Variants in PRXL2A observed in about 807,000 individuals in gnomAD.
PRXL2A encodes the protein peroxiredoxin-like 2A.
A neutral mutation model predicts 25.6 loss-of-function variants in PRXL2A; 26 were observed. That is an observed-to-expected ratio of 1.02 (90% confidence interval 0.74 to 1.41). The LOEUF (loss-of-function observed/expected upper bound fraction) is 1.41. PRXL2A is among the 40% of genes most tolerant of loss of function. PRXL2A has a pLI of 0.00. For synonymous variants in PRXL2A, 98 were observed against 102.9 expected, an observed-to-expected ratio of 0.95 and a Z score of 0.29; for missense variants, 246 against 273.9, an observed-to-expected ratio of 0.90 and a Z score of 0.72.
intron 1 of PRXL2A, among the ~76,000 whole-genome samples, chr10:80,416,597 G>C (rs932901750): frequency 5.9e-5 from 9 of 152,176 alleles, no homozygotes; most frequent in Non-Finnish European, 7.3e-5. Flanking sequence ...CCAGGCAGAG[G>C]GGTAGAGATG....
At chr10:80,427,056 T>C (rs1242876346) in intron 4 of PRXL2A, among the ~76,000 whole-genome samples, 1 of 151,230 alleles carries the variant, frequency 6.6e-6, no homozygotes, top group Non-Finnish European at 1.5e-5. Flanking sequence ...GGCCAGAGAA[T>C]TGCTTGAACC....
chr10:80,429,905 A>G (rs1244272382), intron 5 of PRXL2A, among the ~76,000 whole-genome samples: 4 of 151,970 alleles, frequency 2.6e-5, no homozygotes, highest in African/African-American at 7.3e-5. Flanking sequence ...TCTGGTGCTC[A>G]TGGGCCCTAC....
rs769892937 is a variant in PRXL2A, at chr10:80,432,124, G to A, written c.*25G>A. 3.6e-6 allele frequency: 5 copies of A among 1,378,210 alleles called. No homozygotes were observed. The highest frequency in any genetic ancestry group is 5.1e-6 in the Non-Finnish European group (5 of 975,864). The allele number at this position is 1,378,210 out of a possible 1,614,324, so 85.4% of individuals were successfully genotyped here. A position where few individuals can be genotyped will look rare whatever the true frequency, so the allele number is the denominator to read the frequency against. On this transcript the variant is annotated 3_prime_UTR_variant, in exon 6 of 6. Coordinates refer to ENST00000606162, the MANE Select transcript of PRXL2A (RefSeq NM_032333.5). ...ATTGTGTGAAACTGCCCAGCTCAGGGATAACCAGGGACATTCACCTGTGTT... is the reference window on the plus strand; with the variant it reads ...ATTGTGTGAAACTGCCCAGCTCAGGAATAACCAGGGACATTCACCTGTGTT...
intron 1 of PRXL2A, among the ~76,000 whole-genome samples, chr10:80,416,784 C>A (rs1488717581): frequency 6.6e-6 from 1 of 152,184 alleles, no homozygotes; most frequent in Non-Finnish European, 1.5e-5. Flanking sequence ...TATGAATTGC[C>A]TGCCAGTCTG....
At chr10:80,426,513 G>T (rs1341077563) in intron 4 of PRXL2A, among the ~76,000 whole-genome samples, 1 of 152,224 alleles carries the variant, frequency 6.6e-6, no homozygotes, top group African/African-American at 2.4e-5. Flanking sequence ...TGATGGGTTT[G>T]TAGGGACATA....
intron 3 of PRXL2A, among the ~76,000 whole-genome samples, chr10:80,422,729 T>G (rs1159770273): frequency 6.6e-6 from 1 of 151,966 alleles, no homozygotes; most frequent in East Asian, 1.9e-4. Flanking sequence ...TCAGTTTCCC[T>G]TAGTACTCCC....
chr10:80,428,161 A>G (rs1188601172), intron 5 of PRXL2A, among the ~76,000 whole-genome samples: 1 of 152,146 alleles, frequency 6.6e-6, no homozygotes, highest in Non-Finnish European at 1.5e-5. Context: ...GGCTATTATT[A>G]TAGGTCCTGG....
At position 80,425,882 on chromosome 10, in the gene PRXL2A, C is replaced by T; in HGVS notation, c.287C>T (p.Ser96Phe). Residue 96 changes from serine to phenylalanine, a missense_variant, in exon 4 of 6, where the codon TCC becomes TTC. Transcript: ENST00000606162. ...CTTCTACAGGAAGCTGCGGATCTGT[C>T]CTCCCTGAAAAGCATGTTGGACCAG... is the stretch of plus-strand genomic sequence containing the variant. ...FLCREEAADL[S>F]SLKSMLDQLG... is the part of the protein sequence containing the mutation. 2 of 1,614,240 alleles carry T rather than the reference C, an allele frequency of 1.2e-6. No homozygotes were observed. The highest frequency in any genetic ancestry group is 1.7e-6 in the Non-Finnish European group (2 of 1,180,040).
chr10:80,416,830 T>TG (rs1384108696), intron 1 of PRXL2A, among the ~76,000 whole-genome samples: 2 of 152,134 alleles, frequency 1.3e-5, no homozygotes, highest in East Asian at 3.8e-4. Context: ...AGTTCTAAGG[T>TG]GGGGGTTGAG....
chr10:80,413,118 C>T (rs956153485), intron 1 of PRXL2A, among the ~76,000 whole-genome samples: 4 of 151,858 alleles, frequency 2.6e-5, no homozygotes, highest in African/African-American at 9.7e-5. Context: ...AAAATGTGAA[C>T]CCCTGTCCCC....
At chr10:80,420,133 G>T in intron 1 of PRXL2A, 1 of 1,004,076 alleles carries the variant, frequency 1.0e-6, no homozygotes, top group Non-Finnish European at 1.2e-6. Context: ...GACATAGCTC[G>T]GCACAGCTCC....
intron 1 of PRXL2A, among the ~76,000 whole-genome samples, chr10:80,419,158 G>A (rs1025551241): frequency 1.1e-4 from 16 of 151,704 alleles, no homozygotes; most frequent in African/African-American, 3.9e-4. Flanking sequence ...GCTAATTTTT[G>A]TATTTTTAGT....
chr10:80,427,631 A>G, intron 5 of PRXL2A, 135 bp downstream of exon 5: 1 of 810,290 alleles, frequency 1.2e-6, no homozygotes, highest in South Asian at 1.8e-5. Flanking sequence ...GCCAGGGAAC[A>G]TGAAGAAGGG....
intron 1 of PRXL2A, among the ~76,000 whole-genome samples, chr10:80,415,794 A>G: frequency 6.6e-6 from 1 of 152,232 alleles, no homozygotes; most frequent in East Asian, 1.9e-4. Flanking sequence ...AAACATGCCA[A>G]ACGCCCATCA....
At chr10:80,414,425 C>T (rs1844580466) in intron 1 of PRXL2A, among the ~76,000 whole-genome samples, 1 of 152,136 alleles carries the variant, frequency 6.6e-6, no homozygotes, top group African/African-American at 2.4e-5. Context: ...GAAGGAACAT[C>T]TGGTGTATGG....
intron 1 of PRXL2A, among the ~76,000 whole-genome samples, chr10:80,411,506 G>A (rs556357678): frequency 1.3e-3 from 197 of 152,366 alleles, no homozygotes; most frequent in African/African-American, 4.2e-3. Flanking sequence ...AGGACCTAGC[G>A]TGTCTGATGC....
At chr10:80,420,973 A>G (rs1158644313) in intron 2 of PRXL2A, among the ~76,000 whole-genome samples, 1 of 152,232 alleles carries the variant, frequency 6.6e-6, no homozygotes, top group Non-Finnish European at 1.5e-5. Flanking sequence ...CATAATATTT[A>G]GTAATAATTA....
At chr10:80,413,780 G>GC in intron 1 of PRXL2A, 1 of 1,026,842 alleles carries the variant, frequency 9.7e-7, no homozygotes, top group Non-Finnish European at 1.2e-6. Flanking sequence ...ACCTAGTCCC[G>GC]CCTCCAGCCC....
At position 80,432,314 on chromosome 10, in the gene PRXL2A, A is replaced by G. The variant is rs1845291376; in HGVS notation, c.*215A>G. The G allele has an allele frequency of 6.1e-6, 3 of 489,544 alleles. No individual in the cohort carries two copies. The highest frequency in any genetic ancestry group is 1.1e-5 in the Non-Finnish European group (3 of 282,706). The allele number at this position is 489,544 out of a possible 1,614,324, so 30.3% of individuals were successfully genotyped here. On this transcript the variant is annotated 3_prime_UTR_variant, in exon 6 of 6. Coordinates refer to ENST00000606162, the MANE Select transcript of PRXL2A (RefSeq NM_032333.5). Reference sequence around the variant, plus strand: ...AAAATCTGAAAAACTAATGAGGATTATTAAGCTAAAACCTGGGAAATAGGA... The same window carrying G: ...AAAATCTGAAAAACTAATGAGGATTGTTAAGCTAAAACCTGGGAAATAGGA...
Sources: allele counts gnomAD v4.1 joint callset (sites outside exome capture counted in the v4.1 genomes callset), GRCh38; gene constraint gnomAD v4.1.1; transcripts MANE v1.5; gene names NCBI Gene and HGNC (gene_info 2026-07-23, HGNC 2026-07-21).